The following RIMS2 variants were observed in gnomAD, a reference collection of about 807,000 sequenced individuals.
RIMS2 encodes the protein regulating synaptic membrane exocytosis protein 2.
Under a neutral mutation model 174.4 loss-of-function variants are expected in RIMS2, and 59 were observed. The ratio of observed to expected loss-of-function variants is 0.34; its 90% CI spans 0.27 to 0.42. The LOEUF is 0.42. RIMS2 is among the 10% of genes least tolerant of loss of function. The probability of loss-of-function intolerance (pLI) is 1.00; values close to 1 mark genes in which losing one functional copy is unlikely to be tolerated. For synonymous variants in RIMS2, 606 were observed against 572.5 expected (o/e 1.06, Z -0.84); for missense variants, 1,620 against 1,666.3 (o/e 0.97, Z 0.48).
At chr8:103,549,896 G>T (rs1305784936) in intron 1 of RIMS2, among the ~76,000 whole-genome samples, 3 of 152,110 alleles carry the variant, frequency 2.0e-5, no homozygotes, top group Non-Finnish European at 4.4e-5. Flanking sequence ...AATGGTAAAG[G>T]GATCAATTCA....
At chr8:103,630,733 A>G (rs1402300078) in intron 1 of RIMS2, among the ~76,000 whole-genome samples, 1 of 152,128 alleles carries the variant, frequency 6.6e-6, no homozygotes, top group African/African-American at 2.4e-5. Context: ...AGTATAGATA[A>G]AATAAAATGA....
intron 19 of RIMS2, among the ~76,000 whole-genome samples, chr8:104,139,605 A>G (rs541182330): frequency 2.0e-5 from 3 of 152,236 alleles, no homozygotes; most frequent in East Asian, 1.9e-4. Context: ...TTTGTATGTC[A>G]ATTTTATGTC....
At chr8:103,926,320 A>G (rs2078772595) in intron 10 of RIMS2, among the ~76,000 whole-genome samples, 1 of 151,500 alleles carries the variant, frequency 6.6e-6, no homozygotes, top group African/African-American at 2.4e-5. Flanking sequence ...TTGCTAAAGC[A>G]TTATAATAGC....
intron 19 of RIMS2, among the ~76,000 whole-genome samples, chr8:104,066,749 T>C (rs1044225749): frequency 1.4e-4 from 22 of 152,166 alleles, no homozygotes; most frequent in African/African-American, 5.1e-4. Flanking sequence ...TCAGAGTCAG[T>C]TAGTCAAATC....
intron 2 of RIMS2, among the ~76,000 whole-genome samples, chr8:103,713,326 T>G (rs2097330978): frequency 6.6e-6 from 1 of 152,172 alleles, no homozygotes; most frequent in Non-Finnish European, 1.5e-5. Context: ...GCCTAATATC[T>G]TGTGTTTCTA....
At chr8:103,813,841 T>C (rs1341696927) in intron 3 of RIMS2, among the ~76,000 whole-genome samples, 1 of 152,206 alleles carries the variant, frequency 6.6e-6, no homozygotes, top group African/African-American at 2.4e-5. Context: ...TTTGCTATTG[T>C]GAATAGTGCC....
At chr8:103,956,201 A>G (rs1466042204) in intron 14 of RIMS2, among the ~76,000 whole-genome samples, 2 of 152,218 alleles carry the variant, frequency 1.3e-5, no homozygotes, top group Non-Finnish European at 2.9e-5. Flanking sequence ...ATTTAATGCT[A>G]TCCCAATCAA....
chr8:103,569,510 T>C (rs2092648159), intron 1 of RIMS2, among the ~76,000 whole-genome samples: 1 of 152,210 alleles, frequency 6.6e-6, no homozygotes, highest in African/African-American at 2.4e-5. Context: ...TCTTTCCATG[T>C]ATTTAAATCT....
intron 19 of RIMS2, among the ~76,000 whole-genome samples, chr8:104,028,103 A>G (rs1014172904): frequency 1.3e-5 from 2 of 151,370 alleles, no homozygotes; most frequent in Admixed American, 6.6e-5. Context: ...CTAATTTTTA[A>G]AAGTTTTTTT....
intron 19 of RIMS2, chr8:104,223,285 C>T: frequency 1.3e-6 from 1 of 797,630 alleles, no homozygotes. Flanking sequence ...CGCTGATTGG[C>T]GGGGACCGCA....
chr8:103,644,350 T>G (rs1429064679), intron 1 of RIMS2, among the ~76,000 whole-genome samples: 1 of 151,784 alleles, frequency 6.6e-6, no homozygotes, highest in Non-Finnish European at 1.5e-5. Context: ...TTGATGACGC[T>G]AACAAGAGTT....
chr8:104,139,116 T>C (rs529052097), intron 19 of RIMS2, among the ~76,000 whole-genome samples: 3 of 152,258 alleles, frequency 2.0e-5, no homozygotes, highest in African/African-American at 7.2e-5. Flanking sequence ...TTGTGTTCCA[T>C]TGGTCTATAT....
chr8:103,761,572 T>C (rs2098113546), intron 2 of RIMS2, among the ~76,000 whole-genome samples: 1 of 152,206 alleles, frequency 6.6e-6, no homozygotes, highest in Admixed American at 6.5e-5. Flanking sequence ...TTTAAAAGTT[T>C]ATGAAAGTGG....
rs74908292 is a variant in RIMS2, at chr8:103,568,922, A to G, written c.176+67860A>G. 3.2e-3 allele frequency: 2,912 copies of G among 909,600 alleles called. 69 individuals are homozygous for G. The African/African-American group carries it at 0.042, about 13-fold the overall frequency. The allele number at this position is 909,600 out of a possible 1,614,324, so 56.3% of individuals were successfully genotyped here. On this transcript the variant is annotated intron_variant, in intron 1 of 23. Coordinates refer to ENST00000504942, the Ensembl canonical transcript of RIMS2. ...CACATTGCTGCAACACATCAGTGGC[A>G]TTGCAAAACTGATCTGAAAGCGAGT...
intron 19 of RIMS2, among the ~76,000 whole-genome samples, chr8:104,071,802 T>C (rs1362610302): frequency 6.6e-6 from 1 of 152,174 alleles, no homozygotes; most frequent in Non-Finnish European, 1.5e-5. Flanking sequence ...GAATTACTGC[T>C]CTAAGGTGAA....
intron 3 of RIMS2, among the ~76,000 whole-genome samples, chr8:103,873,031 C>T (rs1463566723): frequency 6.6e-6 from 1 of 152,102 alleles, no homozygotes; most frequent in East Asian, 1.9e-4. Context: ...GTTATTTGAA[C>T]TCTAAATCAT....
At chr8:103,695,694 A>C (rs2097092129) in intron 1 of RIMS2, among the ~76,000 whole-genome samples, 2 of 150,130 alleles carry the variant, frequency 1.3e-5, no homozygotes, top group Admixed American at 6.6e-5. Flanking sequence ...TTAAAGCCTA[A>C]TTTTACTGTG....
intron 19 of RIMS2, among the ~76,000 whole-genome samples, chr8:104,087,442 T>C (rs2097556140): frequency 6.6e-6 from 1 of 152,000 alleles, no homozygotes; most frequent in African/African-American, 2.4e-5. Flanking sequence ...GATAAAACTG[T>C]AATAAAGGCA....
chr8:103,718,852 T>C (rs2097407605), intron 2 of RIMS2, among the ~76,000 whole-genome samples: 1 of 152,074 alleles, frequency 6.6e-6, no homozygotes, highest in African/African-American at 2.4e-5. Flanking sequence ...TGTGTATTTT[T>C]AGTAGAGATG....
Sources: gnomAD v4.1 joint callset for allele counts (sites outside exome capture counted in the v4.1 genomes callset) on GRCh38, gnomAD v4.1.1 for gene constraint, MANE v1.5 for transcripts, NCBI Gene and HGNC (gene_info 2026-07-23, HGNC 2026-07-21) for gene names.